Variants in MCC observed in about 807,000 individuals in gnomAD.
MCC encodes MCC regulator of Wnt signaling pathway, also known as colorectal mutant cancer protein.
Under a neutral mutation model 116.2 loss-of-function variants are expected in MCC, and 90 were observed. That is an observed-to-expected ratio of 0.77 (90% CI 0.65 to 0.92). MCC has a LOEUF of 0.92. Ranked by LOEUF, MCC falls within the 40% of genes least tolerant of loss-of-function variation. MCC has a pLI of 0.00. For missense variants in MCC, 1,516 were observed against 1,312.2 expected (o/e 1.16, Z -2.40); for synonymous variants, 578 against 510.5 (o/e 1.13, Z -1.78).
chr5:113,317,007 C>G (rs1236936002), intron 3 of MCC, among the ~76,000 whole-genome samples: 1 of 152,166 alleles, frequency 6.6e-6, no homozygotes, highest in African/African-American at 2.4e-5. Flanking sequence ...TTCCTGATTC[C>G]TTTTAGTTAT....
chr5:113,464,316 C>T (rs1771836596), intron 1 of MCC, among the ~76,000 whole-genome samples: 1 of 152,190 alleles, frequency 6.6e-6, no homozygotes, highest in Non-Finnish European at 1.5e-5. Flanking sequence ...TTCTCTTCTA[C>T]TACTCTTCTT....
At chr5:113,073,726 C>T (rs542243090) in intron 11 of MCC, among the ~76,000 whole-genome samples, 25 of 151,970 alleles carry the variant, frequency 1.6e-4, no homozygotes, top group African/African-American at 5.3e-4. Flanking sequence ...CCCTGACTAC[C>T]CACCGAAAAA....
chr5:113,256,426 C>T (rs1344333609), intron 3 of MCC, among the ~76,000 whole-genome samples: 1 of 152,132 alleles, frequency 6.6e-6, no homozygotes, highest in Non-Finnish European at 1.5e-5. Flanking sequence ...AGGGTTCAGA[C>T]AGGAAAGAGT....
chr5:113,198,283 C>T (rs1449587808), intron 3 of MCC, among the ~76,000 whole-genome samples: 2 of 152,196 alleles, frequency 1.3e-5, no homozygotes, highest in Non-Finnish European at 2.9e-5. Context: ...CTTCCCCTAC[C>T]ACCTCAGCAC....
chr5:113,281,023 A>G (rs1766028087), intron 3 of MCC, among the ~76,000 whole-genome samples: 1 of 152,202 alleles, frequency 6.6e-6, no homozygotes, highest in African/African-American at 2.4e-5. Context: ...CTGCTTAACA[A>G]CTTCAAAACA....
chr5:113,453,848 C>A (rs987339328), intron 1 of MCC, among the ~76,000 whole-genome samples: 2 of 152,232 alleles, frequency 1.3e-5, no homozygotes, highest in African/African-American at 4.8e-5. Flanking sequence ...TGGTGGCTCA[C>A]GCCTGTAATC....
chr5:113,121,061 G>C (rs967036777), intron 6 of MCC, among the ~76,000 whole-genome samples: 2 of 152,196 alleles, frequency 1.3e-5, no homozygotes, highest in African/African-American at 4.8e-5. Flanking sequence ...CTCTTATGGG[G>C]CATACACACC....
At chr5:113,442,000 T>C (rs1771056084) in intron 1 of MCC, among the ~76,000 whole-genome samples, 1 of 152,228 alleles carries the variant, frequency 6.6e-6, no homozygotes, top group Admixed American at 6.5e-5. Flanking sequence ...CCTTTGGGTA[T>C]ATACCCATTA....
intron 8 of MCC, among the ~76,000 whole-genome samples, chr5:113,086,980 T>C (rs1375573963): frequency 6.6e-6 from 1 of 152,172 alleles, no homozygotes; most frequent in Non-Finnish European, 1.5e-5. Context: ...TCGGGGACCA[T>C]ACCTTGAATA....
chr5:113,376,555 TC>T (rs1380671070), intron 2 of MCC, among the ~76,000 whole-genome samples: 1 of 148,652 alleles, frequency 6.7e-6, no homozygotes, highest in East Asian at 2.0e-4. Flanking sequence ...CACATGAATC[TC>T]CTAGTTGCCA....
chr5:113,053,996 G>C, intron 14 of MCC, 37 bp from the exon 15 acceptor site: 1 of 1,431,592 alleles, frequency 7.0e-7, no homozygotes, highest in Non-Finnish European at 9.8e-7. Context: ...ACCACCCTGT[G>C]TTATTCCAAG....
At chr5:113,114,083 G>A (rs533385562) in intron 6 of MCC, among the ~76,000 whole-genome samples, 1 of 151,772 alleles carries the variant, frequency 6.6e-6, no homozygotes, top group South Asian at 2.1e-4. Context: ...CTTTTAAATG[G>A]CTTAGAAAAA....
chr5:113,137,369 A>T (rs991578404), intron 5 of MCC, among the ~76,000 whole-genome samples: 2 of 152,200 alleles, frequency 1.3e-5, no homozygotes, highest in African/African-American at 4.8e-5. Context: ...AAACCATATC[A>T]ATATGTTCCT....
chr5:113,254,844 A>T (rs1158027964), intron 3 of MCC, among the ~76,000 whole-genome samples: 1 of 152,164 alleles, frequency 6.6e-6, no homozygotes, highest in East Asian at 1.9e-4. Context: ...GTAAACCTCC[A>T]TTTCCAACCC....
chr5:113,385,317 T>A, intron 1 of MCC, 105 bp from the exon 2 acceptor site: 1 of 1,140,012 alleles, frequency 8.8e-7, no homozygotes, highest in Non-Finnish European at 1.3e-6. Context: ...ATTCACATAC[T>A]AGACCTATTT....
At chr5:113,350,969 T>C (rs982978013) in intron 2 of MCC, among the ~76,000 whole-genome samples, 3 of 152,024 alleles carry the variant, frequency 2.0e-5, no homozygotes, top group African/African-American at 7.2e-5. Flanking sequence ...GCAATGCAAA[T>C]CAAAACTACA....
At chr5:113,467,968 T>C (rs1316989724) in intron 1 of MCC, among the ~76,000 whole-genome samples, 2 of 152,230 alleles carry the variant, frequency 1.3e-5, no homozygotes, top group East Asian at 3.8e-4. Flanking sequence ...AGTTCACTCA[T>C]GATTTGGCTG....
intron 14 of MCC, among the ~76,000 whole-genome samples, chr5:113,057,380 C>T (rs1443914324): frequency 6.6e-6 from 1 of 152,038 alleles, no homozygotes; most frequent in Admixed American, 6.5e-5. Flanking sequence ...ACCTTGGGAG[C>T]TACAGCAACA....
At chr5:113,062,131 C>A (rs983312132) in intron 14 of MCC, among the ~76,000 whole-genome samples, 1 of 152,130 alleles carries the variant, frequency 6.6e-6, no homozygotes. Flanking sequence ...GACATTGGAG[C>A]TAAAGACCTC....
Sources: gnomAD v4.1 joint callset for allele counts (sites outside exome capture counted in the v4.1 genomes callset) on GRCh38, gnomAD v4.1.1 for gene constraint, MANE v1.5 for transcripts, NCBI Gene and HGNC (gene_info 2026-07-23, HGNC 2026-07-21) for gene names.